Variants in KCNIP4 observed in about 807,000 individuals in gnomAD.
KCNIP4 encodes potassium voltage-gated channel interacting protein 4.
In KCNIP4, 12 loss-of-function variants were observed where a neutral mutation model predicts 34.0. That is an observed-to-expected ratio of 0.35 (90% CI 0.23 to 0.57). The LOEUF is 0.57. Ranked by LOEUF, KCNIP4 falls within the 20% of genes least tolerant of loss-of-function variation. KCNIP4 has a pLI of 0.83. For missense variants in KCNIP4, 238 were observed against 311.7 expected (o/e 0.76, Z 1.78); for synonymous variants, 124 against 102.2 (o/e 1.21, Z -1.29).
chr4:21,129,244 C>T (rs940326389), intron 1 of KCNIP4, among the ~76,000 whole-genome samples: 3 of 152,218 alleles, frequency 2.0e-5, no homozygotes, highest in Admixed American at 6.5e-5. Flanking sequence ...GCCTACCTAG[C>T]CACGTAGAAC....
At chr4:21,142,002 TTTGCG>T (rs1470788128) in intron 1 of KCNIP4, among the ~76,000 whole-genome samples, 1 of 151,178 alleles carries the variant, frequency 6.6e-6, no homozygotes, top group Non-Finnish European at 1.5e-5. Flanking sequence ...ATACTAAAAA[TTTGCG>T]AGGTGTGGTG....
chr4:21,397,447 C>T (rs6842884), intron 1 of KCNIP4, among the ~76,000 whole-genome samples: 27,244 of 152,094 alleles, frequency 0.18, 4,598 homozygotes, highest in African/African-American at 0.43. Context: ...CAGGGCTTAA[C>T]ACCTAGGTGA....
intron 1 of KCNIP4, among the ~76,000 whole-genome samples, chr4:21,637,433 A>G (rs1746271239): frequency 6.6e-6 from 1 of 152,116 alleles, no homozygotes. Flanking sequence ...TGGCTCATTA[A>G]ATCTTCCTCA....
At chr4:21,857,692 C>T (rs772058606) in intron 1 of KCNIP4, among the ~76,000 whole-genome samples, 3 of 152,218 alleles carry the variant, frequency 2.0e-5, no homozygotes, top group Non-Finnish European at 4.4e-5. Context: ...TTGCCTTGCT[C>T]ACTCTCCACT....
At chr4:21,185,005 G>A (rs568648905) in intron 1 of KCNIP4, among the ~76,000 whole-genome samples, 4 of 152,204 alleles carry the variant, frequency 2.6e-5, no homozygotes, top group South Asian at 2.1e-4. Flanking sequence ...AAGCACATCC[G>A]AACAGGACAA....
At chr4:21,069,975 T>C (rs1744740766) in intron 1 of KCNIP4, among the ~76,000 whole-genome samples, 1 of 152,164 alleles carries the variant, frequency 6.6e-6, no homozygotes, top group Admixed American at 6.5e-5. Flanking sequence ...CACACTTTCC[T>C]TTTACAATCA....
At chr4:21,532,020 C>CA (rs1736721990) in intron 1 of KCNIP4, among the ~76,000 whole-genome samples, 1 of 152,050 alleles carries the variant, frequency 6.6e-6, no homozygotes, top group South Asian at 2.1e-4. Context: ...CAGCAACTGT[C>CA]AGAGTGTTCG....
At chr4:20,776,010 G>A (rs558009024) in intron 3 of KCNIP4, among the ~76,000 whole-genome samples, 4 of 152,184 alleles carry the variant, frequency 2.6e-5, no homozygotes, top group African/African-American at 7.2e-5. Context: ...TTCTGATAAA[G>A]GTCCAGAAAT....
rs556840397 is a variant in KCNIP4 at position 21,362,028 on chromosome 4, C to A, written c.62-479319G>T. Among the ~76,000 whole-genome samples the A allele has an allele frequency of 7.9e-5, 12 of 152,090 alleles. 1 individual carries two copies. Among genetic ancestry groups the A allele is most frequent in the African/African-American group, 2.9e-4 (12 of 41,486 alleles). On this transcript the variant is annotated intron_variant, in intron 1 of 8. Coordinates refer to ENST00000382152, the MANE Select transcript of KCNIP4 (RefSeq NM_025221.6). The stretch of plus-strand genomic sequence containing the variant: ...TGCCTAACCACTTGCAAATTAGATA[C>A]CTGCTGGGGTAAGCAAGACAGTACC...
intron 1 of KCNIP4, among the ~76,000 whole-genome samples, chr4:21,485,041 T>C (rs1235063553): frequency 6.6e-6 from 1 of 152,212 alleles, no homozygotes; most frequent in Non-Finnish European, 1.5e-5. Flanking sequence ...CATTTGGTGA[T>C]ATTGTTAAAC....
At chr4:21,741,657 C>A (rs60148141) in intron 1 of KCNIP4, among the ~76,000 whole-genome samples, 1 of 152,108 alleles carries the variant, frequency 6.6e-6, no homozygotes, top group African/African-American at 2.4e-5. Context: ...AAGACAGAAG[C>A]GTATTTATAG....
At chr4:21,572,633 CTTT>C (rs71655642) in intron 1 of KCNIP4, among the ~76,000 whole-genome samples, 2 of 140,710 alleles carry the variant, frequency 1.4e-5, no homozygotes, top group East Asian at 2.1e-4. Flanking sequence ...GATCTCTCAT[CTTT>C]TTTTTTTTTT....
chr4:21,595,236 G>A (rs1008919626), intron 1 of KCNIP4, among the ~76,000 whole-genome samples: 2 of 152,106 alleles, frequency 1.3e-5, no homozygotes, highest in Admixed American at 6.5e-5. Context: ...GTGAGAACAT[G>A]AGATGTTTGG....
chr4:21,820,686 C>G (rs1431325695), intron 1 of KCNIP4, among the ~76,000 whole-genome samples: 14 of 152,074 alleles, frequency 9.2e-5, no homozygotes, highest in Admixed American at 7.9e-4. Flanking sequence ...GTTTATTTTG[C>G]TCTGCTGATA....
At chr4:21,007,958 TTGTTCC>T (rs1738718020) in intron 1 of KCNIP4, among the ~76,000 whole-genome samples, 1 of 152,210 alleles carries the variant, frequency 6.6e-6, no homozygotes, top group South Asian at 2.1e-4. Context: ...TCATCTGTTT[TTGTTCC>T]TAATGAGCCT....
At chr4:21,567,549 G>T (rs925729606) in intron 1 of KCNIP4, among the ~76,000 whole-genome samples, 6 of 152,088 alleles carry the variant, frequency 3.9e-5, no homozygotes, top group Non-Finnish European at 7.4e-5. Flanking sequence ...TTAACACTAA[G>T]TTGTATCAGC....
Position 21,701,246 on chromosome 4 carries a change from G to A in KCNIP4, c.61+247325C>T, listed in dbSNP as rs187929957. On this transcript the variant is annotated intron_variant, in intron 1 of 8. Coordinates refer to ENST00000382152, the MANE Select transcript of KCNIP4 (RefSeq NM_025221.6). The stretch of plus-strand genomic sequence containing the variant: ...AAAGAGTAGAATGGTATTTACCAGA[G>A]GATGAGAGGGAAGGGCTGATGGAAA... 2.6e-5 allele frequency among the ~76,000 whole-genome samples: 4 copies of A among 152,282 alleles called. No individual in the cohort carries two copies. The East Asian group carries it at 5.8e-4, about 22-fold the overall frequency.
chr4:21,903,993 A>C (rs1023775205), intron 1 of KCNIP4, among the ~76,000 whole-genome samples: 1 of 152,200 alleles, frequency 6.6e-6, no homozygotes, highest in South Asian at 2.1e-4. Flanking sequence ...CTAGCAATTA[A>C]CAACGTAGAT....
intron 1 of KCNIP4, among the ~76,000 whole-genome samples, chr4:21,605,203 G>T (rs941167128): frequency 9.2e-5 from 14 of 152,208 alleles, no homozygotes; most frequent in African/African-American, 2.4e-5. Context: ...CATCTGGTTT[G>T]CTGTAGACGC....
Sources: gnomAD v4.1 joint callset for allele counts (sites outside exome capture counted in the v4.1 genomes callset) on GRCh38, gnomAD v4.1.1 for gene constraint, MANE v1.5 for transcripts, NCBI Gene and HGNC (gene_info 2026-07-23, HGNC 2026-07-21) for gene names.